The following PIP4K2A variants were observed in gnomAD, a reference collection of about 807,000 sequenced individuals.
PIP4K2A encodes phosphatidylinositol-5-phosphate 4-kinase type 2 alpha.
Under a neutral mutation model 42.9 loss-of-function variants are expected in PIP4K2A, and 14 were observed. That is an observed-to-expected ratio of 0.33 (90% confidence interval 0.22 to 0.51). The LOEUF is 0.51. Ranked by LOEUF, PIP4K2A falls within the 20% of genes least tolerant of loss-of-function variation. The pLI is 0.97. For missense variants in PIP4K2A, 434 were observed against 519.8 expected (o/e 0.83, Z 1.61); for synonymous variants, 192 against 192.2 (o/e 1.00, Z 0.01).
chr10:22,601,153 A>C (rs866982466), intron 3 of PIP4K2A, among the ~76,000 whole-genome samples: 3,274 of 134,180 alleles, frequency 0.024, 171 homozygotes, highest in African/African-American at 0.079. Context: ...AAAAAAAAAA[A>C]AAAAAAAAAA....
chr10:22,632,350 T>C (rs1199294984), intron 1 of PIP4K2A, among the ~76,000 whole-genome samples: 1 of 152,210 alleles, frequency 6.6e-6, no homozygotes, highest in Non-Finnish European at 1.5e-5. Context: ...GAGTTCTTTG[T>C]ATTATTTTTG....
chr10:22,604,001 GCGCGCA>G (rs1414233232), intron 3 of PIP4K2A, among the ~76,000 whole-genome samples: 1 of 101,518 alleles, frequency 9.9e-6, no homozygotes. Flanking sequence ...GAGCACACAC[GCGCGCA>G]CGCACACACA....
intron 4 of PIP4K2A, among the ~76,000 whole-genome samples, chr10:22,581,720 G>C (rs1467924782): frequency 6.6e-6 from 1 of 152,128 alleles, no homozygotes; most frequent in Non-Finnish European, 1.5e-5. Context: ...AGTGCTGTCA[G>C]AAACTTTCCT....
chr10:22,607,971 G>T lies in PIP4K2A; in HGVS notation c.295C>A (p.Arg99Ser), dbSNP rs777853136. 6.2e-7 allele frequency: 1 copy of T among 1,613,336 alleles called. No homozygotes were observed. Among genetic ancestry groups the T allele is most frequent in the Non-Finnish European group, 8.5e-7 (1 of 1,179,474 alleles). Residue 99 changes from arginine to serine, a missense_variant, in exon 3 of 10, where the codon CGT (arginine) becomes AGT (serine). This residue lies in a region of PIP4K2A where 395 missense variants were observed against 444.5 expected (regional missense o/e 0.89). Transcript: ENST00000376573. The part of the protein sequence containing the change: ...KFKEYCPMVF[R>S]NLRERFGIDD... ...ATTCCAAACCTCTCCCGCAGGTTAC[G>T]GAAGACCATCGGGCAGTATTCCTTA...
chr10:22,596,244 G>T (rs1028691571), intron 3 of PIP4K2A, among the ~76,000 whole-genome samples: 1 of 140,584 alleles, frequency 7.1e-6, no homozygotes, highest in Admixed American at 7.1e-5. Context: ...TCGAAGACTC[G>T]ACTCGTTGCT....
intron 3 of PIP4K2A, among the ~76,000 whole-genome samples, chr10:22,606,812 T>C (rs1837916823): frequency 6.6e-6 from 1 of 152,208 alleles, no homozygotes; most frequent in South Asian, 2.1e-4. Context: ...CAGTATATGC[T>C]GAGCATCCTT....
At chr10:22,670,878 A>G (rs1839436517) in intron 1 of PIP4K2A, among the ~76,000 whole-genome samples, 1 of 152,192 alleles carries the variant, frequency 6.6e-6, no homozygotes. Flanking sequence ...TGACACTAGA[A>G]ACTATAATTT....
intron 4 of PIP4K2A, among the ~76,000 whole-genome samples, chr10:22,583,902 T>C (rs1564430770): frequency 6.6e-6 from 1 of 152,258 alleles, no homozygotes; most frequent in Admixed American, 6.5e-5. Context: ...CCTGTCATTT[T>C]GGCCCAACAT....
At chr10:22,629,840 G>A (rs955296359) in intron 1 of PIP4K2A, among the ~76,000 whole-genome samples, 2 of 152,144 alleles carry the variant, frequency 1.3e-5, no homozygotes, top group Non-Finnish European at 2.9e-5. Flanking sequence ...TAATAAAAGT[G>A]TTCAATTCTA....
At chr10:22,621,839 G>A (rs976986736) in intron 1 of PIP4K2A, among the ~76,000 whole-genome samples, 1 of 152,230 alleles carries the variant, frequency 6.6e-6, no homozygotes, top group Non-Finnish European at 1.5e-5. Context: ...CCAGAAGGAA[G>A]CAATGAAATC....
At chr10:22,655,761 C>T (rs1564457023) in intron 1 of PIP4K2A, among the ~76,000 whole-genome samples, 1 of 152,162 alleles carries the variant, frequency 6.6e-6, no homozygotes, top group East Asian at 1.9e-4. Flanking sequence ...TACCACGATT[C>T]GCTTACTTAC....
At chr10:22,596,158 T>C (rs905658716) in intron 3 of PIP4K2A, among the ~76,000 whole-genome samples, 6 of 136,058 alleles carry the variant, frequency 4.4e-5, no homozygotes, top group Admixed American at 1.7e-4. Context: ...TGAGCTGAGA[T>C]TGTGCCATTG....
rs145539560 is a variant in PIP4K2A at position 22,580,576 on chromosome 10, G to A, written c.493-7119C>T. On this transcript the variant is annotated intron_variant, in intron 4 of 9. Coordinates refer to ENST00000376573, the MANE Select transcript of PIP4K2A (RefSeq NM_005028.5). Reference sequence around the variant, plus strand: ...CTTTTAACAACCTATTATTTGACCCGGTCATTCTCTTCTTTGTAAGAGTTT... The same window carrying A: ...CTTTTAACAACCTATTATTTGACCCAGTCATTCTCTTCTTTGTAAGAGTTT... Among the ~76,000 whole-genome samples, 223 of 152,166 alleles carry A rather than the reference G, an allele frequency of 1.5e-3. 2 individuals carry two copies. Among genetic ancestry groups the A allele is most frequent in the African/African-American group, 4.7e-3 (195 of 41,438 alleles).
intron 1 of PIP4K2A, among the ~76,000 whole-genome samples, chr10:22,612,368 T>C (rs1838067285): frequency 6.6e-6 from 1 of 152,068 alleles, no homozygotes; most frequent in Non-Finnish European, 1.5e-5. Flanking sequence ...GGGGGAGGCA[T>C]GTGAGGCTTC....
intron 6 of PIP4K2A, among the ~76,000 whole-genome samples, chr10:22,554,659 C>A (rs116211872): frequency 6.6e-6 from 1 of 152,240 alleles, no homozygotes; most frequent in South Asian, 2.1e-4. Flanking sequence ...GAAGTGGCGG[C>A]GGGCCGAGTC....
intron 6 of PIP4K2A, among the ~76,000 whole-genome samples, chr10:22,557,255 G>C (rs1455548679): frequency 6.6e-6 from 1 of 152,144 alleles, no homozygotes; most frequent in African/African-American, 2.4e-5. Flanking sequence ...AAAAATTACA[G>C]AATTCTATGA....
At chr10:22,617,128 C>A (rs1838194553) in intron 1 of PIP4K2A, among the ~76,000 whole-genome samples, 2 of 152,232 alleles carry the variant, frequency 1.3e-5, no homozygotes, top group Non-Finnish European at 2.9e-5. Flanking sequence ...ACATCACATG[C>A]AAGTTCCCTC....
chr10:22,619,290 G>A (rs1395165061), intron 1 of PIP4K2A, among the ~76,000 whole-genome samples: 1 of 152,170 alleles, frequency 6.6e-6, no homozygotes, highest in Non-Finnish European at 1.5e-5. Flanking sequence ...AGGTTTCAGA[G>A]GGACAGGCAG....
intron 1 of PIP4K2A, among the ~76,000 whole-genome samples, chr10:22,610,440 T>G (rs1461427532): frequency 6.6e-6 from 1 of 152,254 alleles, no homozygotes; most frequent in Non-Finnish European, 1.5e-5. Context: ...TTTTTGCATG[T>G]TGACTTTCCT....
Sources: allele counts gnomAD v4.1 joint callset (sites outside exome capture counted in the v4.1 genomes callset), GRCh38; gene constraint gnomAD v4.1.1; regional missense constraint gnomAD v4.1.1; transcripts MANE v1.5; gene names NCBI Gene and HGNC (gene_info 2026-07-23, HGNC 2026-07-21).